The following CCDC91 variants were observed in gnomAD, a reference collection of about 807,000 sequenced individuals.
CCDC91 encodes coiled-coil domain containing 91, also known as coiled-coil domain-containing protein 91.
A neutral mutation model predicts 63.2 loss-of-function variants in CCDC91; 48 were observed. The ratio of observed to expected loss-of-function variants is 0.76; its 90% CI spans 0.60 to 0.97. The LOEUF is 0.97. Among genes scored for constraint, CCDC91 ranks in the 50% least tolerant of loss-of-function variants. The pLI is 0.00. For missense variants in CCDC91, 500 were observed against 494.6 expected, an observed-to-expected ratio of 1.01 and a Z score of -0.10; for synonymous variants, 167 against 165.8, an observed-to-expected ratio of 1.01 and a Z score of -0.06.
At chr12:28,471,247 A>G (rs1172864025) in intron 11 of CCDC91, among the ~76,000 whole-genome samples, 1 of 152,204 alleles carries the variant, frequency 6.6e-6, no homozygotes. Context: ...CTCAGAATAT[A>G]ATTAGGCTTC....
intron 2 of CCDC91, among the ~76,000 whole-genome samples, chr12:28,259,152 T>A (rs1242956374): frequency 1.3e-5 from 2 of 151,836 alleles, no homozygotes; most frequent in South Asian, 2.1e-4. Context: ...AAGGAAAAAA[T>A]TTTTACTTGA....
chr12:28,329,039 T>C (rs1941266161), intron 6 of CCDC91, among the ~76,000 whole-genome samples: 1 of 152,130 alleles, frequency 6.6e-6, no homozygotes, highest in Non-Finnish European at 1.5e-5. Context: ...AAATGTGTCT[T>C]TCAAAAAATA....
intron 12 of CCDC91, among the ~76,000 whole-genome samples, chr12:28,501,351 G>A (rs1439472079): frequency 6.6e-6 from 1 of 151,706 alleles, no homozygotes; most frequent in Admixed American, 6.6e-5. Flanking sequence ...GTTTGTCATA[G>A]ATAGCTCTTA....
chr12:28,502,937 A>C (rs7978250), intron 12 of CCDC91, among the ~76,000 whole-genome samples: 1 of 136,130 alleles, frequency 7.3e-6, no homozygotes, highest in African/African-American at 2.6e-5. Context: ...TTAATTCAAG[A>C]TGGATTAAAG....
At chr12:28,510,004 T>C (rs1939191299) in intron 12 of CCDC91, among the ~76,000 whole-genome samples, 1 of 151,802 alleles carries the variant, frequency 6.6e-6, no homozygotes, top group Admixed American at 6.6e-5. Flanking sequence ...TTCTTGAGAG[T>C]ATGATTATCA....
chr12:28,459,259 C>T (rs950944649), intron 11 of CCDC91, among the ~76,000 whole-genome samples: 2 of 152,104 alleles, frequency 1.3e-5, no homozygotes, highest in African/African-American at 4.8e-5. Flanking sequence ...TCCTCTTGAG[C>T]ATTCAGTATA....
intron 12 of CCDC91, among the ~76,000 whole-genome samples, chr12:28,511,782 T>A (rs1939404599): frequency 6.6e-6 from 1 of 151,890 alleles, no homozygotes; most frequent in Admixed American, 6.6e-5. Context: ...AAAAAAATGA[T>A]GTGGTCCTTT....
intron 8 of CCDC91, among the ~76,000 whole-genome samples, chr12:28,424,349 A>G (rs541715018): frequency 1.3e-5 from 2 of 152,274 alleles, no homozygotes; most frequent in African/African-American, 4.8e-5. Flanking sequence ...TAATTGGTAG[A>G]TAATAGTTTA....
At chr12:28,224,813 C>T (rs896958133) in intron 1 of CCDC91, among the ~76,000 whole-genome samples, 15 of 152,166 alleles carry the variant, frequency 9.9e-5, no homozygotes, top group African/African-American at 3.6e-4. Flanking sequence ...GTCAACAGCC[C>T]ATAGTCTTGG....
chr12:28,276,957 G>T (rs1187003195), intron 3 of CCDC91, among the ~76,000 whole-genome samples: 2 of 151,740 alleles, frequency 1.3e-5, no homozygotes, highest in Admixed American at 1.3e-4. Flanking sequence ...ATTATGTTTT[G>T]CTTACCTGCT....
chr12:28,236,246 C>T (rs369417337), intron 1 of CCDC91: 25 of 151,734 alleles, frequency 1.6e-4, no homozygotes, highest in African/African-American at 5.3e-4. Flanking sequence ...TTGTTTGGTA[C>T]TAGTCATTAA....
At chr12:28,368,176 C>T (rs1586868) in intron 7 of CCDC91, among the ~76,000 whole-genome samples, 37,910 of 152,084 alleles carry the variant, frequency 0.25, 5,285 homozygotes, top group East Asian at 0.57. Context: ...AGAAAAATGA[C>T]ATTTTACCTA....
At chr12:28,532,338 A>G (rs1178259669) in intron 12 of CCDC91, among the ~76,000 whole-genome samples, 1 of 152,136 alleles carries the variant, frequency 6.6e-6, no homozygotes, top group Non-Finnish European at 1.5e-5. Flanking sequence ...TCATTAATTC[A>G]TGTAGTATCT....
At chr12:28,543,814 A>G (rs1430432057) in intron 12 of CCDC91, among the ~76,000 whole-genome samples, 1 of 151,986 alleles carries the variant, frequency 6.6e-6, no homozygotes, top group Non-Finnish European at 1.5e-5. Flanking sequence ...GCTCCAGTCT[A>G]TCATATCTCA....
chr12:28,521,195 T>G (rs1940612272), intron 12 of CCDC91, among the ~76,000 whole-genome samples: 1 of 152,248 alleles, frequency 6.6e-6, no homozygotes, highest in South Asian at 2.1e-4. Context: ...TGATTATTCC[T>G]ATCCATGAGC....
At chr12:28,343,791 C>A (rs1363607222) in intron 6 of CCDC91, among the ~76,000 whole-genome samples, 1 of 152,136 alleles carries the variant, frequency 6.6e-6, no homozygotes, top group Non-Finnish European at 1.5e-5. Flanking sequence ...AATGTATCAT[C>A]TGACCTTTTG....
chr12:28,523,873 T>C (rs1423084807), intron 12 of CCDC91, among the ~76,000 whole-genome samples: 1 of 152,184 alleles, frequency 6.6e-6, no homozygotes, highest in Non-Finnish European at 1.5e-5. Flanking sequence ...GGTTGAAAAT[T>C]CTTTTCTTTA....
At chr12:28,418,914 A>T (rs1326725031) in intron 8 of CCDC91, among the ~76,000 whole-genome samples, 1 of 152,160 alleles carries the variant, frequency 6.6e-6, no homozygotes, top group Non-Finnish European at 1.5e-5. Flanking sequence ...CAAGTCAAAC[A>T]AACTCCAACA....
intron 3 of CCDC91, among the ~76,000 whole-genome samples, chr12:28,265,271 G>T (rs540011733): frequency 2.6e-5 from 4 of 152,044 alleles, no homozygotes; most frequent in African/African-American, 9.6e-5. Flanking sequence ...GACCATCAAA[G>T]GGAAAAACAA....
Sources: allele counts gnomAD v4.1 joint callset (sites outside exome capture counted in the v4.1 genomes callset), GRCh38; gene constraint gnomAD v4.1.1; transcripts MANE v1.5; gene names NCBI Gene and HGNC (gene_info 2026-07-23, HGNC 2026-07-21).